WWOX: variants seen among roughly 807,000 people sequenced by gnomAD.
WWOX encodes the protein WW domain containing oxidoreductase.
In WWOX, 69 loss-of-function variants were observed where a neutral mutation model predicts 46.2. That is an observed-to-expected ratio of 1.49 (90% confidence interval 1.23 to 1.82). WWOX has a LOEUF of 1.82. Among genes scored for constraint, WWOX ranks in the 40% most tolerant of loss-of-function variants. The pLI is 0.00. For missense variants in WWOX, 919 were observed against 542.6 expected (o/e 1.69, Z -6.89); for synonymous variants, 359 against 202.6 (o/e 1.77, Z -6.56).
At chr16:78,555,010 A>T (rs944342355) in intron 8 of WWOX, among the ~76,000 whole-genome samples, 1 of 152,164 alleles carries the variant, frequency 6.6e-6, no homozygotes, top group Non-Finnish European at 1.5e-5. Flanking sequence ...GGCCTGGCAG[A>T]CAACTTCTGG....
chr16:79,019,088 G>A (rs1050161112), intron 8 of WWOX, among the ~76,000 whole-genome samples: 1 of 143,844 alleles, frequency 7.0e-6, no homozygotes, highest in African/African-American at 2.6e-5. Context: ...AACCTAGGAG[G>A]CAGAGGTTGC....
intron 8 of WWOX, among the ~76,000 whole-genome samples, chr16:79,043,989 C>A (rs926059344): frequency 1.4e-4 from 21 of 152,212 alleles, no homozygotes; most frequent in African/African-American, 4.8e-4. Context: ...GACAATGAAA[C>A]TCTCATTGAT....
rs368591476 is a variant in WWOX at position 78,523,439 on chromosome 16, C to T, written c.1056+90687C>T. 9.2e-5 allele frequency among the ~76,000 whole-genome samples: 14 copies of T among 152,200 alleles called. 1 individual carries two copies. The highest frequency in any genetic ancestry group is 3.9e-4 in the Admixed American group (6 of 15,296). Reference sequence around the variant, plus strand: ...AGTAACAATGCCATCCGGTAATTACCGAATCATAAATGTTTGGGGAGCTGA... The same window carrying T: ...AGTAACAATGCCATCCGGTAATTACTGAATCATAAATGTTTGGGGAGCTGA... On this transcript the variant is annotated intron_variant, in intron 8 of 8. Coordinates refer to ENST00000566780, the MANE Select transcript of WWOX (RefSeq NM_016373.4).
rs541429662 is a variant in WWOX, at chr16:78,964,432, G to T, written c.1057-247176G>T. Among the ~76,000 whole-genome samples the T allele has an allele frequency of 2.6e-5, 4 of 152,310 alleles. No homozygotes were observed. The South Asian group carries it at 6.2e-4, about 24-fold the overall frequency. On this transcript the variant is annotated intron_variant, in intron 8 of 8. Coordinates refer to ENST00000566780, the MANE Select transcript of WWOX (RefSeq NM_016373.4). ...GAGACTGGCAGCATTTTGCCCCTGC[G>T]CTAGAGATTTGTGGAACTTTGAACT...
At chr16:78,594,082 G>C (rs62034037) in intron 8 of WWOX, among the ~76,000 whole-genome samples, 26 of 152,222 alleles carry the variant, frequency 1.7e-4, no homozygotes, top group African/African-American at 6.0e-4. Context: ...AAAGTCTGCG[G>C]CAAGAGGATG....
At chr16:78,968,585 G>A (rs1373301580) in intron 8 of WWOX, among the ~76,000 whole-genome samples, 1 of 152,134 alleles carries the variant, frequency 6.6e-6, no homozygotes, top group South Asian at 2.1e-4. Flanking sequence ...CAGAGCAATG[G>A]GGCAGGCTTT....
chr16:78,975,295 T>C (rs77779059), intron 8 of WWOX, among the ~76,000 whole-genome samples: 4,910 of 152,204 alleles, frequency 0.032, 115 homozygotes, highest in Non-Finnish European at 0.042. Context: ...TTGTCATAAC[T>C]TAGGATGAGG....
At chr16:78,820,607 G>C (rs76934740) in intron 8 of WWOX, among the ~76,000 whole-genome samples, 25,336 of 151,956 alleles carry the variant, frequency 0.17, 2,158 homozygotes, top group Admixed American at 0.23. Context: ...TGACAACCTT[G>C]GTGAAAGCAA....
At chr16:78,848,962 G>T (rs1269825923) in intron 8 of WWOX, among the ~76,000 whole-genome samples, 1 of 152,178 alleles carries the variant, frequency 6.6e-6, no homozygotes, top group Non-Finnish European at 1.5e-5. Context: ...AGGGGTAAAG[G>T]TGCTGAAAAT....
chr16:78,591,266 T>TC (rs1218899858), intron 8 of WWOX, among the ~76,000 whole-genome samples: 2 of 152,156 alleles, frequency 1.3e-5, no homozygotes, highest in Non-Finnish European at 2.9e-5. Flanking sequence ...AGGGAACCTT[T>TC]CCCCAAAGCC....
intron 8 of WWOX, among the ~76,000 whole-genome samples, chr16:79,069,790 C>G (rs903528908): frequency 6.6e-6 from 1 of 152,070 alleles, no homozygotes; most frequent in Non-Finnish European, 1.5e-5. Context: ...GAGGAGGTTT[C>G]TGGGGTTAAC....
intron 8 of WWOX, among the ~76,000 whole-genome samples, chr16:78,528,073 A>C (rs534334955): frequency 1.5e-5 from 2 of 129,588 alleles, no homozygotes; most frequent in African/African-American, 6.0e-5. Flanking sequence ...ATCTCGGCTC[A>C]CTGCAAGTTC....
chr16:78,925,002 C>G (rs1003351842), intron 8 of WWOX, among the ~76,000 whole-genome samples: 2 of 152,200 alleles, frequency 1.3e-5, no homozygotes, highest in African/African-American at 4.8e-5. Context: ...CAAGACCAGC[C>G]TGGGCAACAT....
In WWOX at chr16:78,907,743, A is replaced by G. The variant is rs2045003375; in HGVS notation, c.1057-303865A>G. ...AGGGAGTATTACCTTAGATGGGGCC[A>G]GGAGGGTTTCTCTGAGGAGATCCCA... On this transcript the variant is annotated intron_variant, in intron 8 of 8. Coordinates refer to ENST00000566780, the MANE Select transcript of WWOX (RefSeq NM_016373.4). Among the ~76,000 whole-genome samples, 4 of 152,236 alleles carry G rather than the reference A, an allele frequency of 2.6e-5. No individual in the cohort carries two copies. The South Asian group carries it at 6.2e-4, about 24-fold the overall frequency.
At chr16:78,819,142 C>T (rs949440420) in intron 8 of WWOX, among the ~76,000 whole-genome samples, 1 of 152,168 alleles carries the variant, frequency 6.6e-6, no homozygotes, top group Non-Finnish European at 1.5e-5. Context: ...GTCAGTTGGC[C>T]ACTGCTGTTC....
At chr16:79,154,793 C>T (rs1269094440) in intron 8 of WWOX, among the ~76,000 whole-genome samples, 1 of 152,170 alleles carries the variant, frequency 6.6e-6, no homozygotes, top group Non-Finnish European at 1.5e-5. Context: ...TTTAGGTCCT[C>T]ATGAACCTCT....
chr16:78,777,046 T>G (rs1445718723), intron 8 of WWOX, among the ~76,000 whole-genome samples: 1 of 152,186 alleles, frequency 6.6e-6, no homozygotes, highest in African/African-American at 2.4e-5. Flanking sequence ...GCATGACATT[T>G]TAGGATAAAT....
chr16:78,910,408 C>T (rs2045078242), intron 8 of WWOX, among the ~76,000 whole-genome samples: 1 of 151,858 alleles, frequency 6.6e-6, no homozygotes, highest in African/African-American at 2.4e-5. Context: ...TATCAAGTCA[C>T]CGTGTTATGG....
intron 5 of WWOX, among the ~76,000 whole-genome samples, chr16:78,338,152 T>C (rs2080936141): frequency 8.5e-6 from 1 of 117,366 alleles, no homozygotes; most frequent in Admixed American, 8.3e-5. Context: ...ACTATTAATA[T>C]GAATTTATCA....
Sources: gnomAD v4.1 joint callset for allele counts (sites outside exome capture counted in the v4.1 genomes callset) on GRCh38, gnomAD v4.1.1 for gene constraint, MANE v1.5 for transcripts, NCBI Gene and HGNC (gene_info 2026-07-23, HGNC 2026-07-21) for gene names.